Variants in SCARB1 observed in about 807,000 individuals in gnomAD.
The protein encoded by SCARB1 is scavenger receptor class B member 1.
Under a neutral mutation model 57.2 loss-of-function variants are expected in SCARB1, and 30 were observed. The ratio of observed to expected loss-of-function variants is 0.52; its 90% CI spans 0.39 to 0.71. The LOEUF is 0.71. Among genes scored for constraint, SCARB1 ranks in the 30% least tolerant of loss-of-function variants. SCARB1 has a pLI of 0.00. For missense variants in SCARB1, 543 were observed against 671.2 expected (o/e 0.81, Z 2.11); for synonymous variants, 249 against 268.3 (o/e 0.93, Z 0.70).
chr12:124,833,309 C>T (rs1235358807), intron 1 of SCARB1, among the ~76,000 whole-genome samples: 1 of 151,856 alleles, frequency 6.6e-6, no homozygotes. Flanking sequence ...CCTTCCTCAG[C>T]CTCCCACATA....
Position 124,814,533 on chromosome 12 carries a change from G to T in SCARB1, c.427-128C>A. 1 of 911,306 alleles carries T rather than the reference G, an allele frequency of 1.1e-6. No homozygotes were observed. The highest frequency in any genetic ancestry group is 1.8e-6 in the Non-Finnish European group (1 of 566,518). 56.5% of individuals were successfully genotyped at this position (911,306 alleles called of 1,614,324 possible). ...CTGGGGTGCAGGAGGCCCCTGGAGTGGCCACGTGGGGCATCTGGGACACCA... is the reference window on the plus strand; with the variant it reads ...CTGGGGTGCAGGAGGCCCCTGGAGTTGCCACGTGGGGCATCTGGGACACCA... On this transcript the variant is annotated intron_variant, in intron 3 of 12. Coordinates refer to ENST00000261693, the MANE Select transcript of SCARB1 (RefSeq NM_005505.5). The surrounding 1 kb of genome is among the most constrained non-coding windows in gnomAD (Gnocchi z 4.7).
chr12:124,855,211 C>T (rs1403557233), intron 1 of SCARB1, among the ~76,000 whole-genome samples: 1 of 152,188 alleles, frequency 6.6e-6, no homozygotes, highest in Non-Finnish European at 1.5e-5. Flanking sequence ...TCAGGCCCCT[C>T]CCGTTCCTTC....
intron 12 of SCARB1, among the ~76,000 whole-genome samples, chr12:124,779,842 G>A (rs979220706): frequency 2.0e-4 from 31 of 152,114 alleles, no homozygotes; most frequent in Non-Finnish European, 4.1e-4. Context: ...GGCAGAGAGC[G>A]GGCACAGGGG....
intron 9 of SCARB1, among the ~76,000 whole-genome samples, chr12:124,791,632 G>C (rs377123583): frequency 6.6e-6 from 1 of 152,134 alleles, no homozygotes. Flanking sequence ...ACTGAGGGGC[G>C]GTGACGAAAG....
At position 124,795,200 on chromosome 12, in the gene SCARB1, G is replaced by A. The variant is rs1464399681; in HGVS notation, c.1197C>T (p.Gly399=). ...QLSLYMKSVA[G]IGQTGKIEPV... is the part of the protein sequence containing the mutation. ...AGCTCCCAGTCCCCACTCACCCAAT[G>A]CCTGCGACAGATTTCATGTAGAGGC... is the stretch of plus-strand genomic sequence containing the variant. The change falls in exon 9 of 13, where the codon GGC becomes GGT. Residue 399 remains glycine (G), a synonymous_variant. Transcript: ENST00000261693. The A allele has an allele frequency of 6.2e-7, 1 of 1,613,412 alleles. No individual in the cohort carries two copies. Among genetic ancestry groups the A allele is most frequent in the Non-Finnish European group, 8.5e-7 (1 of 1,179,422 alleles).
chr12:124,833,857 G>A (rs1951520210), intron 1 of SCARB1, among the ~76,000 whole-genome samples: 1 of 152,246 alleles, frequency 6.6e-6, no homozygotes, highest in Admixed American at 6.5e-5. Flanking sequence ...TTTGGCCTGA[G>A]CTGTCCTAAG....
chr12:124,836,676 C>T (rs1473444621), intron 1 of SCARB1, among the ~76,000 whole-genome samples: 14 of 152,116 alleles, frequency 9.2e-5, no homozygotes, highest in Admixed American at 9.2e-4. Flanking sequence ...TGCCTGTAGA[C>T]CCAGGTACGT....
chr12:124,782,197 C>G (rs906652878), intron 12 of SCARB1, among the ~76,000 whole-genome samples: 1 of 152,138 alleles, frequency 6.6e-6, no homozygotes, highest in African/African-American at 2.4e-5. Flanking sequence ...TGTGAGCCAC[C>G]GCACCTGGCC....
rs1391259148 is a variant in SCARB1, at chr12:124,778,439, T to A, written c.*148A>T. ...GTGTGCCAGGGCGTGTGTGCAGGTG[T>A]GCAACAGGCACATGGCAGCTGGGAG... On this transcript the variant is annotated 3_prime_UTR_variant, in exon 13 of 13. Transcript: ENST00000261693. The A allele has an allele frequency of 7.6e-7, 1 of 1,318,206 alleles. No homozygotes were observed. The highest frequency in any genetic ancestry group is 9.7e-7 in the Non-Finnish European group (1 of 1,032,120). 81.7% of individuals were successfully genotyped at this position (1,318,206 alleles called of 1,614,324 possible).
At chr12:124,811,296 C>T (rs1347021286) in intron 5 of SCARB1, among the ~76,000 whole-genome samples, 2 of 151,918 alleles carry the variant, frequency 1.3e-5, no homozygotes, top group African/African-American at 2.4e-5. Context: ...TTTTGGAGAC[C>T]GAGTTTCACT....
Position 124,859,949 on chromosome 12 carries a change from A to ATT in SCARB1, c.126+3644_126+3645dup, listed in dbSNP as rs63359362. On this transcript the variant is annotated intron_variant, in intron 1 of 12. Coordinates refer to ENST00000261693, the MANE Select transcript of SCARB1 (RefSeq NM_005505.5). ...CTGAGACATATTTCTAAGTTCCTTCATTTTTTTTTTTTTTTTTTTGAGATG... is the reference window on the plus strand; with the variant it reads ...CTGAGACATATTTCTAAGTTCCTTCATTTTTTTTTTTTTTTTTTTTTGAGATG... Among the ~76,000 whole-genome samples, 343 of 117,930 alleles carry ATT rather than the reference A, an allele frequency of 2.9e-3. 10 individuals are homozygous for ATT. The highest frequency in any genetic ancestry group is 0.016 in the South Asian group (60 of 3,714). 77.4% of individuals were successfully genotyped at this position (117,930 alleles called of 152,430 possible). A position where few individuals can be genotyped will look rare whatever the true frequency, so the allele number is the denominator to read the frequency against.
chr12:124,817,534 C>G lies in SCARB1; in HGVS notation c.284+16G>C. ...CCTCAGCCGGCCCCTCCACCCTCAC[C>G]TGGACACAGCCTCACCTGTACACGT... On this transcript the variant is annotated intron_variant, in intron 2 of 12. Coordinates refer to ENST00000261693, the MANE Select transcript of SCARB1 (RefSeq NM_005505.5). This position sits in a 1 kb window ranked among gnomAD's most constrained non-coding sequence, Gnocchi z 4.8. 6.2e-7 allele frequency: 1 copy of G among 1,613,182 alleles called. No individual in the cohort carries two copies. The highest frequency in any genetic ancestry group is 8.5e-7 in the Non-Finnish European group (1 of 1,179,982).
intron 4 of SCARB1, among the ~76,000 whole-genome samples, chr12:124,813,661 C>T (rs987307201): frequency 4.6e-5 from 7 of 152,190 alleles, no homozygotes; most frequent in East Asian, 1.9e-4. Context: ...TTGACAAAAA[C>T]GTACTGAGTA....
chr12:124,844,522 T>C (rs1044381299), intron 1 of SCARB1, among the ~76,000 whole-genome samples: 12 of 152,314 alleles, frequency 7.9e-5, no homozygotes, highest in Admixed American at 6.5e-4. Context: ...TGTGACTGTA[T>C]TGGCGCGGGG....
At chr12:124,833,905 A>G (rs887123670) in intron 1 of SCARB1, among the ~76,000 whole-genome samples, 1 of 151,872 alleles carries the variant, frequency 6.6e-6, no homozygotes, top group Non-Finnish European at 1.5e-5. Flanking sequence ...GGAGCAGGAC[A>G]CTCTCCCGCA....
rs765369168 is a variant in SCARB1, at chr12:124,810,553, C to T, written c.727-264G>A. Among the ~76,000 whole-genome samples, 2 of 152,184 alleles carry T rather than the reference C, an allele frequency of 1.3e-5. No individual in the cohort carries two copies. Among genetic ancestry groups the T allele is most frequent in the Non-Finnish European group, 1.5e-5 (1 of 68,030 alleles). On this transcript the variant is annotated intron_variant, in intron 5 of 12. Coordinates refer to ENST00000261693, the MANE Select transcript of SCARB1 (RefSeq NM_005505.5). The surrounding 1 kb of genome is among the most constrained non-coding windows in gnomAD (Gnocchi z 4.0). ...ATAGGCCTATCACCCACATTTCCAG[C>T]CTGAATCTGGAAAAGAAGTGTGGTG... is the stretch of plus-strand genomic sequence containing the variant.
intron 1 of SCARB1, among the ~76,000 whole-genome samples, chr12:124,861,209 A>G (rs1218339680): frequency 6.6e-6 from 1 of 152,182 alleles, no homozygotes; most frequent in Non-Finnish European, 1.5e-5. Flanking sequence ...CCGACATAAA[A>G]TGCTGTGGTA....
intron 1 of SCARB1, among the ~76,000 whole-genome samples, chr12:124,851,967 A>C (rs550012968): frequency 6.6e-6 from 1 of 151,980 alleles, no homozygotes; most frequent in Admixed American, 6.6e-5. Context: ...TAAATAATGA[A>C]CCTTGGCTTA....
At chr12:124,818,633 T>A (rs886535333) in intron 1 of SCARB1, among the ~76,000 whole-genome samples, 2 of 151,876 alleles carry the variant, frequency 1.3e-5, no homozygotes, top group African/African-American at 2.4e-5. Flanking sequence ...GCCTGGCTAA[T>A]TTTTGTATTT....
Sources: allele counts gnomAD v4.1 joint callset (sites outside exome capture counted in the v4.1 genomes callset), GRCh38; gene constraint gnomAD v4.1.1; non-coding constraint Gnocchi (gnomAD v3.1); transcripts MANE v1.5; gene names NCBI Gene and HGNC (gene_info 2026-07-23, HGNC 2026-07-21).